UTP4: variants seen among roughly 807,000 people sequenced by gnomAD.
UTP4 encodes the protein U3 small nucleolar RNA-associated protein 4 homolog.
UTP4 carries 45 observed loss-of-function variants against 82.4 expected under a neutral mutation model. The observed-to-expected ratio is 0.55, with a 90% CI of 0.43 to 0.70. UTP4 has a LOEUF of 0.70. Among genes scored for constraint, UTP4 ranks in the 30% least tolerant of loss-of-function variants. The probability of loss-of-function intolerance (pLI) is 0.00; values close to 1 mark genes in which losing one functional copy is unlikely to be tolerated. For synonymous variants in UTP4, 348 were observed against 300.3 expected (o/e 1.16, Z -1.64); for missense variants, 819 against 858.3 (o/e 0.95, Z 0.57).
In UTP4 at chr16:69,152,768, C is replaced by T. The variant is rs574272878; in HGVS notation, c.1003-816C>T. ...GATTACAGGCATGAGCCACTGTGCC[C>T]GGCCTCGGCTAATTTTTTTATTTTT... On this transcript the variant is annotated intron_variant, in intron 8 of 16. Coordinates refer to ENST00000314423, the MANE Select transcript of UTP4 (RefSeq NM_032830.3). Among the ~76,000 whole-genome samples the T allele has an allele frequency of 1.9e-3, 284 of 152,064 alleles. 4 individuals are homozygous for T. The highest frequency in any genetic ancestry group is 6.6e-3 in the African/African-American group (272 of 41,508).
At chr16:69,157,435 A>T (rs1027219611) in intron 12 of UTP4, among the ~76,000 whole-genome samples, 195 bp downstream of exon 12, 1 of 152,188 alleles carries the variant, frequency 6.6e-6, no homozygotes, top group Admixed American at 6.5e-5. Flanking sequence ...AATGTTCTTC[A>T]CACCTACTCT....
chr16:69,146,023 C>G (rs550057619), intron 6 of UTP4, among the ~76,000 whole-genome samples: 1 of 151,774 alleles, frequency 6.6e-6, no homozygotes, highest in Non-Finnish European at 1.5e-5. Context: ...AGCAGTTCAA[C>G]CCGGGAGGCA....
At chr16:69,149,933 G>A (rs1304680729) in intron 6 of UTP4, among the ~76,000 whole-genome samples, 2 of 151,982 alleles carry the variant, frequency 1.3e-5, no homozygotes, top group Admixed American at 6.6e-5. Context: ...TCACCATGTT[G>A]GCCAGGCTGG....
Position 69,143,268 on chromosome 16 carries a change from A to T in UTP4, c.617A>T (p.Asp206Val), listed in dbSNP as rs757922559. ...GTGTGGGGTGTCGCCTTCTTGTCCG[A>T]TGGCACTATCATAAGTGTGGACTCT... ...CIVWGVAFLS[D>V]GTIISVDSAG... Residue 206 changes from aspartate to valine, a missense_variant, in exon 6 of 17, where the codon GAT becomes GTT. Transcript: ENST00000314423. 6.2e-7 allele frequency: 1 copy of T among 1,614,164 alleles called. No homozygotes were observed. The highest frequency in any genetic ancestry group is 1.1e-5 in the South Asian group (1 of 91,084).
chr16:69,137,926 A>G (rs1238439843), intron 4 of UTP4, 41 bp downstream of exon 4: 1 of 1,232,364 alleles, frequency 8.1e-7, no homozygotes, highest in African/African-American at 1.5e-5. Context: ...AGCCTTAACA[A>G]GAAATTAAGT....
chr16:69,159,037 G>A (rs1963498324), intron 12 of UTP4, among the ~76,000 whole-genome samples: 1 of 151,916 alleles, frequency 6.6e-6, no homozygotes, highest in Admixed American at 6.6e-5. Flanking sequence ...TATTGAACTT[G>A]CTGTTTGTCC....
intron 5 of UTP4, among the ~76,000 whole-genome samples, chr16:69,140,694 G>A (rs557755788): frequency 2.0e-5 from 3 of 151,806 alleles, no homozygotes; most frequent in East Asian, 3.9e-4. Flanking sequence ...AATCCCTTAA[G>A]CTTATTACAA....
intron 16 of UTP4, among the ~76,000 whole-genome samples, chr16:69,168,190 A>G (rs1001003649): frequency 6.6e-6 from 1 of 151,882 alleles, no homozygotes; most frequent in African/African-American, 2.4e-5. Flanking sequence ...TAATCCCAGC[A>G]CTTTGGGAGG....
chr16:69,164,774 G>A (rs981552431), intron 14 of UTP4, among the ~76,000 whole-genome samples: 25 of 151,840 alleles, frequency 1.6e-4, no homozygotes, highest in African/African-American at 6.0e-4. Flanking sequence ...AAAATGAGTG[G>A]ACTATTCTGT....
At chr16:69,152,014 A>G (rs1963285290) in intron 8 of UTP4, among the ~76,000 whole-genome samples, 1 of 145,262 alleles carries the variant, frequency 6.9e-6, no homozygotes, top group Admixed American at 6.8e-5. Context: ...ATAGATATAG[A>G]TAGATAGATA....
chr16:69,140,441 C>T (rs1257742120), intron 5 of UTP4, among the ~76,000 whole-genome samples: 1 of 152,060 alleles, frequency 6.6e-6, no homozygotes, highest in Non-Finnish European at 1.5e-5. Context: ...GTTGGCTGGG[C>T]GCGGTGGCTC....
chr16:69,166,786 G>T (rs1174905408), intron 15 of UTP4: 2 of 410,590 alleles, frequency 4.9e-6, no homozygotes, highest in South Asian at 2.6e-5. Context: ...TTGCTGCATG[G>T]AGTTAACAAG....
intron 6 of UTP4, among the ~76,000 whole-genome samples, chr16:69,148,840 A>C (rs771875291): frequency 1.7e-4 from 26 of 151,940 alleles, no homozygotes; most frequent in Non-Finnish European, 3.5e-4. Flanking sequence ...TCCTGGGTTG[A>C]AGTGATTCTC....
intron 15 of UTP4, chr16:69,165,757 A>G (rs1277121474): frequency 8.2e-6 from 5 of 609,732 alleles, no homozygotes; most frequent in East Asian, 2.8e-5. Context: ...GCCTTTGTAT[A>G]CTGGCTTTTG....
chr16:69,150,759 T>C (rs896722806), intron 7 of UTP4, 51 bp downstream of exon 7: 3 of 1,613,676 alleles, frequency 1.9e-6, no homozygotes, highest in Admixed American at 3.3e-5. Flanking sequence ...CAGTTCTGGC[T>C]GTTCTCGTGA....
In UTP4 at chr16:69,150,531, C is replaced by T. The variant is rs373200948; in HGVS notation, c.739-6C>T. On this transcript the variant is annotated splice_region_variant and splice_polypyrimidine_tract_variant and intron_variant, in intron 6 of 16. Coordinates refer to ENST00000314423, the MANE Select transcript of UTP4 (RefSeq NM_032830.3). ...CGTGTACCTCCCTCATGATTTAATT[C>T]CTCAGCAAGAAGACAGTTTCGTGGT... The T allele has an allele frequency of 6.2e-7, 1 of 1,614,192 alleles. No individual in the cohort carries two copies. The highest frequency in any genetic ancestry group is 8.5e-7 in the Non-Finnish European group (1 of 1,180,016).
At chr16:69,156,970 T>C (rs990868234) in intron 11 of UTP4, 114 bp from the exon 12 acceptor site, 2 of 1,047,564 alleles carry the variant, frequency 1.9e-6, no homozygotes, top group Non-Finnish European at 3.0e-6. Flanking sequence ...GCCGAGTCAG[T>C]TGGCTTACTT....
In UTP4 at chr16:69,153,684, A is replaced by G. The variant is rs1963336825; in HGVS notation, c.1099+4A>G. ...CTGGGATCCACAGTTGCAACAGGTAAGATGGGAGCACGTTTTTTTCAATAA... is the reference window on the plus strand; with the variant it reads ...CTGGGATCCACAGTTGCAACAGGTAGGATGGGAGCACGTTTTTTTCAATAA... On this transcript the variant is annotated splice_donor_region_variant and intron_variant, in intron 9 of 16. Transcript: ENST00000314423. 5 of 1,597,692 alleles carry G rather than the reference A, an allele frequency of 3.1e-6. No homozygotes were observed. The East Asian group carries it at 1.1e-4, about 36-fold the overall frequency.
chr16:69,138,024 C>T, intron 4 of UTP4, 139 bp downstream of exon 4: 1 of 678,424 alleles, frequency 1.5e-6, no homozygotes. Flanking sequence ...GTGCTAGAAG[C>T]CATCCCCAGC....
Sources: allele counts gnomAD v4.1 joint callset (sites outside exome capture counted in the v4.1 genomes callset), GRCh38; gene constraint gnomAD v4.1.1; transcripts MANE v1.5; gene names NCBI Gene and HGNC (gene_info 2026-07-23, HGNC 2026-07-21).